TMEM132C: variants seen among roughly 807,000 people sequenced by gnomAD.
The protein encoded by TMEM132C is protein phosphatase 1, regulatory subunit 152.
In TMEM132C, 29 loss-of-function variants were observed where a neutral mutation model predicts 61.4. The ratio of observed to expected loss-of-function variants is 0.47; its 90% CI spans 0.35 to 0.64. The LOEUF is 0.64. Among genes scored for constraint, TMEM132C ranks in the 30% least tolerant of loss-of-function variants. The pLI is 0.00. For missense variants in TMEM132C, 1,408 were observed against 1,476.9 expected (o/e 0.95, Z 0.76); for synonymous variants, 656 against 633.1 (o/e 1.04, Z -0.54).
chr12:128,636,564 TTGTGTG>T (rs61201583), intron 4 of TMEM132C, among the ~76,000 whole-genome samples: 7,941 of 141,922 alleles, frequency 0.056, 245 homozygotes, highest in African/African-American at 0.077. Flanking sequence ...GGGTTTTTGT[TTGTGTG>T]TGTGTGTGTG....
At chr12:128,603,051 G>T (rs561887104) in intron 3 of TMEM132C, among the ~76,000 whole-genome samples, 5 of 152,320 alleles carry the variant, frequency 3.3e-5, no homozygotes, top group Non-Finnish European at 5.9e-5. Context: ...TCCATCTGAG[G>T]CAGTCACTTG....
At chr12:128,485,298 TCC>T in intron 2 of TMEM132C, among the ~76,000 whole-genome samples, 1 of 152,266 alleles carries the variant, frequency 6.6e-6, no homozygotes, top group South Asian at 2.1e-4. Context: ...TGCCTCAGCC[TCC>T]CGAGTAGCTG....
intron 1 of TMEM132C, among the ~76,000 whole-genome samples, chr12:128,343,789 T>A (rs1174809093): frequency 1.3e-5 from 2 of 152,200 alleles, no homozygotes; most frequent in African/African-American, 4.8e-5. Context: ...TGGTCACCAT[T>A]ATCCAATTTC....
intron 8 of TMEM132C, among the ~76,000 whole-genome samples, chr12:128,704,466 A>G (rs1257869310): frequency 6.6e-6 from 1 of 152,194 alleles, no homozygotes; most frequent in African/African-American, 2.4e-5. Flanking sequence ...CTGCCGCCCA[A>G]CTACAGCCAA....
chr12:128,493,062 A>C lies in TMEM132C; in HGVS notation c.975-50895A>C, dbSNP rs147395711. On this transcript the variant is annotated intron_variant, in intron 2 of 8. Transcript: ENST00000435159. Reference sequence around the variant, plus strand: ...GGAAGGGATCCAGTTTCAGCTTTCTACATATGGCTAGCCAGTTTTCCCAGC... The same window carrying C: ...GGAAGGGATCCAGTTTCAGCTTTCTCCATATGGCTAGCCAGTTTTCCCAGC... 2.0e-5 allele frequency among the ~76,000 whole-genome samples: 3 copies of C among 152,272 alleles called. No homozygotes were observed. The South Asian group carries it at 6.2e-4, about 32-fold the overall frequency.
intron 1 of TMEM132C, among the ~76,000 whole-genome samples, chr12:128,347,963 G>T (rs188615000): frequency 1.4e-4 from 21 of 152,158 alleles, no homozygotes; most frequent in Non-Finnish European, 2.5e-4. Context: ...GGATCAGCTT[G>T]TCATTTTCTA....
intron 1 of TMEM132C, among the ~76,000 whole-genome samples, chr12:128,357,585 C>T (rs994163764): frequency 4.6e-5 from 7 of 151,476 alleles, no homozygotes; most frequent in Non-Finnish European, 1.5e-5. Flanking sequence ...ATCCCAGCTA[C>T]TCAGGAGGCT....
chr12:128,562,567 T>C (rs896956718), intron 3 of TMEM132C, among the ~76,000 whole-genome samples: 2 of 152,174 alleles, frequency 1.3e-5, no homozygotes, highest in African/African-American at 4.8e-5. Context: ...CATCATGTCT[T>C]TAATTTCCCC....
At chr12:128,277,348 G>C (rs1870727850) in intron 1 of TMEM132C, among the ~76,000 whole-genome samples, 2 of 152,184 alleles carry the variant, frequency 1.3e-5, no homozygotes, top group Admixed American at 1.3e-4. Context: ...CCTCTTTGCT[G>C]TCTTCATTTT....
chr12:128,419,231 G>A (rs888012711), intron 2 of TMEM132C, among the ~76,000 whole-genome samples: 4 of 152,218 alleles, frequency 2.6e-5, no homozygotes, highest in African/African-American at 9.6e-5. Flanking sequence ...AAACCAATAG[G>A]TATTTGGGCA....
chr12:128,298,206 G>A (rs934374705), intron 1 of TMEM132C, among the ~76,000 whole-genome samples: 9 of 152,152 alleles, frequency 5.9e-5, no homozygotes, highest in African/African-American at 9.7e-5. Flanking sequence ...CCCCAGTGCG[G>A]CTCCCATTGT....
At chr12:128,268,774 T>C (rs1870405885) in intron 1 of TMEM132C, among the ~76,000 whole-genome samples, 1 of 151,844 alleles carries the variant, frequency 6.6e-6, no homozygotes, top group Admixed American at 6.6e-5. Flanking sequence ...AAAAATCTAC[T>C]TTCCTTGAGG....
chr12:128,547,702 A>G (rs1371860837), intron 3 of TMEM132C, among the ~76,000 whole-genome samples: 2 of 152,172 alleles, frequency 1.3e-5, no homozygotes, highest in Non-Finnish European at 2.9e-5. Context: ...CCTGGCTGGT[A>G]AGACAGGGAA....
chr12:128,359,754 C>A (rs1160473565), intron 1 of TMEM132C, among the ~76,000 whole-genome samples: 1 of 152,088 alleles, frequency 6.6e-6, no homozygotes, highest in Non-Finnish European at 1.5e-5. Context: ...CTAAACAACA[C>A]TTTGTGTCTT....
chr12:128,529,956 G>T (rs940509113), intron 2 of TMEM132C, among the ~76,000 whole-genome samples: 1 of 152,144 alleles, frequency 6.6e-6, no homozygotes, highest in Non-Finnish European at 1.5e-5. Context: ...ATGGCAAAAT[G>T]ATGATATTTT....
intron 4 of TMEM132C, among the ~76,000 whole-genome samples, chr12:128,624,699 CT>C (rs1160009116): frequency 1.3e-5 from 2 of 152,102 alleles, no homozygotes; most frequent in African/African-American, 4.8e-5. Context: ...GGTTACACTT[CT>C]ACTTATATTT....
At chr12:128,397,591 G>C (rs765124736) in intron 1 of TMEM132C, among the ~76,000 whole-genome samples, 7 of 152,068 alleles carry the variant, frequency 4.6e-5, no homozygotes, top group African/African-American at 1.7e-4. Flanking sequence ...TAACAAGTTG[G>C]TCCCCATGGA....
In TMEM132C at chr12:128,477,014, G is replaced by A. The variant is rs151217539; in HGVS notation, c.974+61394G>A. Among the ~76,000 whole-genome samples the A allele has an allele frequency of 2.3e-3, 344 of 152,218 alleles. 1 individual carries two copies. Among genetic ancestry groups the A allele is most frequent in the African/African-American group, 7.9e-3 (326 of 41,518 alleles). On this transcript the variant is annotated intron_variant, in intron 2 of 8. Coordinates refer to ENST00000435159, the MANE Select transcript of TMEM132C (RefSeq NM_001136103.3). ...TTTTTTCCAGAAAAATTAGCTTTCT[G>A]CTTGTGGTTTGCTTAAGTTTAAAGT...
chr12:128,475,439 G>A (rs989706844), intron 2 of TMEM132C, among the ~76,000 whole-genome samples: 2 of 152,132 alleles, frequency 1.3e-5, no homozygotes, highest in African/African-American at 4.8e-5. Context: ...CTGGCATGCG[G>A]TTGCACTTGG....
Sources: allele counts gnomAD v4.1 joint callset (sites outside exome capture counted in the v4.1 genomes callset), GRCh38; gene constraint gnomAD v4.1.1; transcripts MANE v1.5; gene names NCBI Gene and HGNC (gene_info 2026-07-23, HGNC 2026-07-21).